The following NWD1 variants were observed in gnomAD, a reference collection of about 807,000 sequenced individuals.
NWD1 encodes the protein NACHT and WD repeat domain containing 1.
In NWD1, 129 loss-of-function variants were observed where a neutral mutation model predicts 135.1. That is an observed-to-expected ratio of 0.96 (90% CI 0.83 to 1.11). NWD1 has a LOEUF of 1.11. Ranked by LOEUF, NWD1 falls within the 50% of genes least tolerant of loss-of-function variation. The pLI, the probability that NWD1 is intolerant of heterozygous loss-of-function variation, is 0.00. For missense variants in NWD1, 1,740 were observed against 1,851.3 expected, an observed-to-expected ratio of 0.94 and a Z score of 1.10; for synonymous variants, 773 against 786.0, an observed-to-expected ratio of 0.98 and a Z score of 0.28.
chr19:16,805,873 C>G (rs1568395446), intron 17 of NWD1, among the ~76,000 whole-genome samples: 1 of 150,934 alleles, frequency 6.6e-6, no homozygotes, highest in African/African-American at 2.4e-5. Context: ...TCTTTCTTTT[C>G]TTCTTTTTTT....
At chr19:16,737,257 C>G (rs1210867657) in intron 4 of NWD1, among the ~76,000 whole-genome samples, 1 of 152,020 alleles carries the variant, frequency 6.6e-6, no homozygotes, top group East Asian at 1.9e-4. Context: ...GAATGATATT[C>G]CTGAGTCTTT....
At chr19:16,796,324 T>C (rs1382530261) in intron 15 of NWD1, among the ~76,000 whole-genome samples, 1 of 152,002 alleles carries the variant, frequency 6.6e-6, no homozygotes, top group Non-Finnish European at 1.5e-5. Flanking sequence ...TAACTGGGCA[T>C]GGTGGCAGGC....
intron 11 of NWD1, among the ~76,000 whole-genome samples, chr19:16,778,710 T>A (rs997086279): frequency 2.0e-5 from 3 of 152,128 alleles, no homozygotes; most frequent in Non-Finnish European, 2.9e-5. Context: ...GGTTTCTCCA[T>A]GTTGGACAGG....
intron 4 of NWD1, 25 bp from the exon 5 acceptor site, chr19:16,744,396 G>A (rs780171267): frequency 6.5e-7 from 1 of 1,533,812 alleles, no homozygotes; most frequent in Admixed American, 2.0e-5. Flanking sequence ...AGTGAGATTT[G>A]AATCTGTGAC....
chr19:16,740,642 A>ATTTTTTTTT lies in NWD1; in HGVS notation c.199-3765_199-3757dup, dbSNP rs1162769783. On this transcript the variant is annotated intron_variant, in intron 4 of 18. Coordinates refer to ENST00000524140, the MANE Select transcript of NWD1 (RefSeq NM_001007525.5). ...CGTGAGCCACTGCGCCCAGACTTCT[A>ATTTTTTTTT]TTTTTTTTTTTTTTTTTTTTTTGAG... is the stretch of plus-strand genomic sequence containing the variant. Among the ~76,000 whole-genome samples the ATTTTTTTTT allele has an allele frequency of 5.7e-4, 64 of 112,948 alleles. 2 individuals carry two copies. The highest frequency in any genetic ancestry group is 2.0e-3 in the African/African-American group (59 of 28,908). 74.1% of individuals were successfully genotyped at this position (112,948 alleles called of 152,430 possible).
intron 11 of NWD1, among the ~76,000 whole-genome samples, chr19:16,779,022 T>C (rs1353962250): frequency 6.6e-6 from 1 of 152,114 alleles, no homozygotes; most frequent in Non-Finnish European, 1.5e-5. Flanking sequence ...CTTGTCCCCA[T>C]TGTGGCACCT....
At chr19:16,814,314 T>G (rs987645109) in intron 18 of NWD1, among the ~76,000 whole-genome samples, 1 of 152,206 alleles carries the variant, frequency 6.6e-6, no homozygotes, top group Non-Finnish European at 1.5e-5. Flanking sequence ...AGGCTTAGGT[T>G]TGAGGCTGAC....
chr19:16,765,469 G>A (rs1295333786), intron 10 of NWD1, among the ~76,000 whole-genome samples: 2 of 152,056 alleles, frequency 1.3e-5, no homozygotes, highest in Non-Finnish European at 2.9e-5. Flanking sequence ...GAGTAGCTAG[G>A]ACCACAGGTA....
Position 16,750,020 on chromosome 19 carries a change from C to G in NWD1, c.1378C>G (p.Pro460Ala). ...TCCCTGGCTGCCTCTCAACTGCCCC[C>G]CGAGGGTGCACCTCATCCTCTCAGC... ...RVPWLPLNCP[P>A]RVHLILSACS... Residue 460 changes from proline to alanine, a missense_variant, in exon 6 of 19, where the codon CCG (proline) becomes GCG (alanine). Physicochemically the swap from Pro to Ala is conservative, Grantham distance 27. Coordinates refer to ENST00000524140, the MANE Select transcript of NWD1 (RefSeq NM_001007525.5). The G allele has an allele frequency of 6.2e-7, 1 of 1,613,886 alleles. No homozygotes were observed. The highest frequency in any genetic ancestry group is 8.5e-7 in the Non-Finnish European group (1 of 1,179,980).
In NWD1 at chr19:16,736,701, TGGAGGA is replaced by T; in HGVS notation, c.152_157del (p.Glu51_Glu52del). On this transcript the variant is annotated inframe_deletion, in exon 4 of 19. Transcript: ENST00000524140. The stretch of plus-strand genomic sequence containing the variant: ...GACCACTTGACCACAGAACTCTGCT[TGGAGGA>T]GGTTGACCGGTGTTGGAAAACATCC... The T allele has an allele frequency of 2.6e-6, 4 of 1,536,378 alleles. No individual in the cohort carries two copies. The highest frequency in any genetic ancestry group is 3.5e-6 in the Non-Finnish European group (4 of 1,146,906).
In NWD1 at chr19:16,807,824, G is replaced by A. The variant is rs370864354; in HGVS notation, c.3975G>A (p.Leu1325=). ...CCTATGACAACATCGTCCTGGTGCT[G>A]GACATCACCTCCGGGGACCCCTGCC... The part of the protein sequence containing the change: ...AIAYDNIVLV[L]DITSGDPCPV... The change falls in exon 18 of 19, where the codon CTG becomes CTA. Residue 1325 remains leucine (L), a synonymous_variant. Coordinates refer to ENST00000524140, the MANE Select transcript of NWD1 (RefSeq NM_001007525.5). 22 of 1,614,026 alleles carry A rather than the reference G, an allele frequency of 1.4e-5. No homozygotes were observed. Among genetic ancestry groups the A allele is most frequent in the Non-Finnish European group, 1.6e-5 (19 of 1,180,030 alleles).
At chr19:16,749,117 C>T in intron 5 of NWD1, 22 bp from the exon 6 acceptor site, 1 of 1,564,528 alleles carries the variant, frequency 6.4e-7, no homozygotes, top group Non-Finnish European at 8.7e-7. Context: ...ACACTTCCTT[C>T]CCACCTTCCC....
chr19:16,797,763 G>A lies in NWD1; in HGVS notation c.3336G>A (p.Ala1112=), dbSNP rs771922493. 9 of 1,614,078 alleles carry A rather than the reference G, an allele frequency of 5.6e-6. No homozygotes were observed. The highest frequency in any genetic ancestry group is 1.6e-4 in the Middle Eastern group (1 of 6,062). The change falls in exon 16 of 19, where the codon GCG becomes GCA. Residue 1112 remains alanine (A), a synonymous_variant. Coordinates refer to ENST00000524140, the MANE Select transcript of NWD1 (RefSeq NM_001007525.5). ...GFGRSVRIFL[A]DSRGFRRFMA... ...GAAGATCGGTGCGGATATTCTTGGCGGACTCGAGGGGCTTTCGCCGATTCA... is the reference window on the plus strand; with the variant it reads ...GAAGATCGGTGCGGATATTCTTGGCAGACTCGAGGGGCTTTCGCCGATTCA...
intron 16 of NWD1, among the ~76,000 whole-genome samples, chr19:16,799,185 T>C (rs1970517347): frequency 6.6e-6 from 1 of 152,008 alleles, no homozygotes. Flanking sequence ...GTATTTCTTA[T>C]TTTCTTATTT....
chr19:16,746,396 C>T (rs944239722), intron 5 of NWD1, among the ~76,000 whole-genome samples: 3 of 151,758 alleles, frequency 2.0e-5, no homozygotes, highest in Non-Finnish European at 2.9e-5. Flanking sequence ...AACAGTTGGC[C>T]GGGTGCGGTG....
At chr19:16,809,838 TG>T (rs1343480925) in intron 18 of NWD1, among the ~76,000 whole-genome samples, 1 of 152,104 alleles carries the variant, frequency 6.6e-6, no homozygotes, top group Non-Finnish European at 1.5e-5. Flanking sequence ...ATTACAGTCA[TG>T]AGCCACCGTG....
chr19:16,805,876 CT>C (rs563723068), intron 17 of NWD1, among the ~76,000 whole-genome samples: 15 of 147,840 alleles, frequency 1.0e-4, no homozygotes, highest in Admixed American at 2.0e-4. Flanking sequence ...TTCTTTTCTT[CT>C]TTTTTTTTTG....
chr19:16,774,555 G>A lies in NWD1; in HGVS notation c.2608+1232G>A, dbSNP rs138674028. Reference sequence around the variant, plus strand: ...GCCCCATTCATCCATCCACCCATCCGTTATTCATCGATTCATCAAATCATT... The same window carrying A: ...GCCCCATTCATCCATCCACCCATCCATTATTCATCGATTCATCAAATCATT... On this transcript the variant is annotated intron_variant, in intron 11 of 18. Transcript: ENST00000524140. 1.5e-4 allele frequency among the ~76,000 whole-genome samples: 23 copies of A among 149,392 alleles called. 1 individual carries two copies. Among genetic ancestry groups the A allele is most frequent in the East Asian group, 4.0e-4 (2 of 4,964 alleles).
chr19:16,786,307 C>T (rs1174891014), intron 12 of NWD1, among the ~76,000 whole-genome samples: 1 of 151,894 alleles, frequency 6.6e-6, no homozygotes, highest in East Asian at 1.9e-4. Context: ...CTGGCCCAGT[C>T]ATATCCTTGT....
Sources: allele counts gnomAD v4.1 joint callset (sites outside exome capture counted in the v4.1 genomes callset), GRCh38; gene constraint gnomAD v4.1.1; transcripts MANE v1.5; gene names NCBI Gene and HGNC (gene_info 2026-07-23, HGNC 2026-07-21).